Variants in TMEM132B observed in about 807,000 individuals in gnomAD.
TMEM132B encodes the protein transmembrane protein 132B.
TMEM132B carries 18 observed loss-of-function variants against 90.8 expected under a neutral mutation model. That is an observed-to-expected ratio of 0.20 (90% CI 0.14 to 0.29). TMEM132B has a LOEUF of 0.29. Ranked by LOEUF, TMEM132B falls within the 10% of genes least tolerant of loss-of-function variation. The pLI, the probability that TMEM132B is intolerant of heterozygous loss-of-function variation, is 1.00. For synonymous variants in TMEM132B, 504 were observed against 523.3 expected (o/e 0.96, Z 0.50); for missense variants, 1,096 against 1,326.8 (o/e 0.83, Z 2.70).
At chr12:125,524,506 C>T (rs1197294148) in intron 4 of TMEM132B, among the ~76,000 whole-genome samples, 1 of 152,218 alleles carries the variant, frequency 6.6e-6, no homozygotes, top group African/African-American at 2.4e-5. Flanking sequence ...GGGCAAGTCA[C>T]TCAATCTTTC....
chr12:125,561,246 A>G (rs1460705488), intron 4 of TMEM132B, among the ~76,000 whole-genome samples: 1 of 152,174 alleles, frequency 6.6e-6, no homozygotes, highest in African/African-American at 2.4e-5. Context: ...GCTAGAAACC[A>G]TCATTCTCAG....
At chr12:125,569,387 C>T (rs1180591523) in intron 4 of TMEM132B, among the ~76,000 whole-genome samples, 1 of 152,264 alleles carries the variant, frequency 6.6e-6, no homozygotes, top group African/African-American at 2.4e-5. Context: ...GTTCAGTGCC[C>T]GTCACAGTGG....
At chr12:125,474,471 G>A (rs1593164296) in intron 3 of TMEM132B, among the ~76,000 whole-genome samples, 1 of 152,054 alleles carries the variant, frequency 6.6e-6, no homozygotes, top group African/African-American at 2.4e-5. Context: ...TATTTTATTT[G>A]TAGAGAGGGG....
chr12:125,369,692 A>C (rs1439488784), intron 2 of TMEM132B, among the ~76,000 whole-genome samples: 1 of 152,248 alleles, frequency 6.6e-6, no homozygotes, highest in African/African-American at 2.4e-5. Context: ...CTGAGAGCTC[A>C]AGCAGGGGAA....
rs116099053 is a variant in TMEM132B at position 125,534,381 on chromosome 12, G to A, written c.1293+14756G>A. On this transcript the variant is annotated intron_variant, in intron 4 of 8. Transcript: ENST00000682704. ...AACATTTAAAAATTGGCCATACATG[G>A]TGACACATGCCTGTAATCCCAGCTA... is the stretch of plus-strand genomic sequence containing the variant. Among the ~76,000 whole-genome samples the A allele has an allele frequency of 4.1e-3, 617 of 152,252 alleles. 3 individuals carry two copies. Among genetic ancestry groups the A allele is most frequent in the African/African-American group, 0.014 (590 of 41,552 alleles).
rs1167508102 is a variant in TMEM132B at position 125,658,388 on chromosome 12, G to A, written c.*3678G>A. 1 of 152,216 alleles carries A rather than the reference G, an allele frequency of 6.6e-6. No individual in the cohort carries two copies. The highest frequency in any genetic ancestry group is 2.4e-5 in the African/African-American group (1 of 41,458). 9.4% of individuals were successfully genotyped at this position (152,216 alleles called of 1,614,324 possible). A position where few individuals can be genotyped will look rare whatever the true frequency, so the allele number is the denominator to read the frequency against. On this transcript the variant is annotated 3_prime_UTR_variant, in exon 9 of 9. Transcript: ENST00000682704. ...GAGAACTATTATTAAGGCTCTGTGA[G>A]GGAACTGTTCAGTCTCACAGCAAGG...
intron 1 of TMEM132B, among the ~76,000 whole-genome samples, chr12:125,205,498 T>C (rs79699677): frequency 0.04 from 6,033 of 150,030 alleles, 157 homozygotes; most frequent in African/African-American, 0.068. Context: ...TCAGTGAGGG[T>C]ACCACGTGCC....
At chr12:125,503,789 C>T (rs1360179604) in intron 3 of TMEM132B, among the ~76,000 whole-genome samples, 1 of 152,240 alleles carries the variant, frequency 6.6e-6, no homozygotes, top group Admixed American at 6.5e-5. Context: ...CTGGTTCACA[C>T]TTGCTCCTCA....
chr12:125,244,975 G>T (rs1214992501), intron 1 of TMEM132B, among the ~76,000 whole-genome samples: 1 of 152,076 alleles, frequency 6.6e-6, no homozygotes, highest in Non-Finnish European at 1.5e-5. Flanking sequence ...CAATTGGGGC[G>T]GATGGAGCTG....
intron 2 of TMEM132B, among the ~76,000 whole-genome samples, chr12:125,405,606 A>G (rs10846882): frequency 0.53 from 80,456 of 151,966 alleles, 21,781 homozygotes; most frequent in East Asian, 0.89. Context: ...GTGCTGTGCC[A>G]GTCAGGTATA....
At chr12:125,642,095 C>A (rs1252280648) in intron 5 of TMEM132B, among the ~76,000 whole-genome samples, 2 of 152,186 alleles carry the variant, frequency 1.3e-5, no homozygotes, top group African/African-American at 4.8e-5. Flanking sequence ...AATCAGAGGT[C>A]TTACTGAGCC....
chr12:125,483,804 C>G (rs143688970), intron 3 of TMEM132B, among the ~76,000 whole-genome samples: 2 of 152,152 alleles, frequency 1.3e-5, no homozygotes, highest in Non-Finnish European at 2.9e-5. Flanking sequence ...ACTCGTTTCT[C>G]AATCTTATTC....
chr12:125,443,592 T>C (rs774705945), intron 3 of TMEM132B, among the ~76,000 whole-genome samples: 8 of 152,180 alleles, frequency 5.3e-5, no homozygotes, highest in Non-Finnish European at 1.0e-4. Context: ...CAATCACTGC[T>C]GTGGGATTTG....
intron 1 of TMEM132B, among the ~76,000 whole-genome samples, chr12:125,280,624 G>C (rs1875134869): frequency 6.6e-6 from 1 of 152,230 alleles, no homozygotes; most frequent in Non-Finnish European, 1.5e-5. Context: ...AGGGCGCTGG[G>C]AGCAGATGCT....
At chr12:125,543,173 GT>G (rs1883999822) in intron 4 of TMEM132B, among the ~76,000 whole-genome samples, 1 of 152,186 alleles carries the variant, frequency 6.6e-6, no homozygotes, top group Admixed American at 6.5e-5. Flanking sequence ...GACAGTCTCT[GT>G]CAATGTGGTG....
chr12:125,520,655 G>A (rs1883285346), intron 4 of TMEM132B, among the ~76,000 whole-genome samples: 1 of 152,086 alleles, frequency 6.6e-6, no homozygotes. Context: ...TCCCCTGCCA[G>A]CTCATCACCC....
At chr12:125,617,801 G>A (rs1437834618) in intron 5 of TMEM132B, among the ~76,000 whole-genome samples, 1 of 152,070 alleles carries the variant, frequency 6.6e-6, no homozygotes, top group Non-Finnish European at 1.5e-5. Flanking sequence ...TTAAATTCAG[G>A]CCTCTTTGAG....
intron 1 of TMEM132B, among the ~76,000 whole-genome samples, chr12:125,254,199 GGATCACC>G (rs1342180768): frequency 6.6e-6 from 1 of 152,046 alleles, no homozygotes; most frequent in Non-Finnish European, 1.5e-5. Context: ...TGAGGTGGGA[GGATCACC>G]GGAGGTCGAA....
intron 5 of TMEM132B, among the ~76,000 whole-genome samples, chr12:125,608,351 G>A (rs1452035478): frequency 6.6e-6 from 1 of 152,134 alleles, no homozygotes; most frequent in Non-Finnish European, 1.5e-5. Flanking sequence ...TTAAGCATTT[G>A]TGGATTTTTA....
Sources: allele counts gnomAD v4.1 joint callset (sites outside exome capture counted in the v4.1 genomes callset), GRCh38; gene constraint gnomAD v4.1.1; transcripts MANE v1.5; gene names NCBI Gene and HGNC (gene_info 2026-07-23, HGNC 2026-07-21).